GABRA1: variants seen among roughly 807,000 people sequenced by gnomAD.
The protein encoded by GABRA1 is gamma-aminobutyric acid receptor subunit alpha-1.
Under a neutral mutation model 48.9 loss-of-function variants are expected in GABRA1, and 9 were observed. That is an observed-to-expected ratio of 0.18 (90% CI 0.11 to 0.32). The LOEUF is 0.32. Among genes scored for constraint, GABRA1 ranks in the 10% least tolerant of loss-of-function variants. The pLI is 1.00. For synonymous variants in GABRA1, 210 were observed against 198.7 expected (o/e 1.06, Z -0.48); for missense variants, 285 against 553.8 (o/e 0.51, Z 4.87).
intron 3 of GABRA1, among the ~76,000 whole-genome samples, chr5:161,859,505 T>G (rs1340821386): frequency 6.6e-6 from 1 of 151,784 alleles, no homozygotes; most frequent in African/African-American, 2.4e-5. Flanking sequence ...CTAAGAGTGC[T>G]CTAAAAAGAT....
At chr5:161,863,221 T>C (rs1349174837) in intron 3 of GABRA1, among the ~76,000 whole-genome samples, 1 of 151,630 alleles carries the variant, frequency 6.6e-6, no homozygotes. Flanking sequence ...TTGAGGAAAA[T>C]GATTAAGTTT....
chr5:161,875,477 T>C, intron 5 of GABRA1, 83 bp from the exon 6 acceptor site: 4 of 1,069,606 alleles, frequency 3.7e-6, no homozygotes, highest in Middle Eastern at 2.0e-4. Context: ...ATATATTTGC[T>C]ACAGTTAATA....
At chr5:161,895,615 A>G in intron 8 of GABRA1, 51 bp from the exon 9 acceptor site, 1 of 1,504,902 alleles carries the variant, frequency 6.6e-7, no homozygotes, top group Non-Finnish European at 9.2e-7. Context: ...CATCATGATG[A>G]AATTTCACAG....
At chr5:161,854,654 T>C (rs989239522) in intron 3 of GABRA1, among the ~76,000 whole-genome samples, 1 of 151,682 alleles carries the variant, frequency 6.6e-6, no homozygotes, top group Non-Finnish European at 1.5e-5. Flanking sequence ...TTTGATTCTA[T>C]TGGTTCAAAC....
intron 4 of GABRA1, among the ~76,000 whole-genome samples, chr5:161,869,381 C>G (rs1754009907): frequency 6.6e-6 from 1 of 152,152 alleles, no homozygotes; most frequent in Admixed American, 6.6e-5. Flanking sequence ...GACCTGCTAG[C>G]TAAGTGTAGC....
Position 161,882,923 on chromosome 5 carries a change from A to T in GABRA1, c.703+222A>T, listed in dbSNP as rs571862514. ...TTTCTGTTTGTTTGTTTGCAAATTG[A>T]GAAACTGGCTATAAGTAATTACTGT... On this transcript the variant is annotated intron_variant, in intron 7 of 9. Coordinates refer to ENST00000393943, the MANE Select transcript of GABRA1 (RefSeq NM_001127644.2). Among the ~76,000 whole-genome samples, 185 of 152,278 alleles carry T rather than the reference A, an allele frequency of 1.2e-3. 1 individual carries two copies. The highest frequency in any genetic ancestry group is 4.3e-3 in the African/African-American group (178 of 41,564).
At chr5:161,864,797 A>G (rs992697831) in intron 3 of GABRA1, among the ~76,000 whole-genome samples, 12 of 143,120 alleles carry the variant, frequency 8.4e-5, no homozygotes, top group African/African-American at 2.8e-4. Flanking sequence ...GAAAAATATA[A>G]ATTAAAAATA....
At chr5:161,870,375 A>C (rs1255902873) in intron 4 of GABRA1, among the ~76,000 whole-genome samples, 1 of 152,042 alleles carries the variant, frequency 6.6e-6, no homozygotes, top group Non-Finnish European at 1.5e-5. Context: ...CAGCCTGACC[A>C]ACATGGCGAA....
At chr5:161,886,635 C>T (rs1754858968) in intron 7 of GABRA1, among the ~76,000 whole-genome samples, 1 of 151,678 alleles carries the variant, frequency 6.6e-6, no homozygotes. Flanking sequence ...AATTAGCTGG[C>T]CATGGTGTTG....
chr5:161,895,374 A>G (rs556351313), intron 8 of GABRA1, among the ~76,000 whole-genome samples: 10 of 152,256 alleles, frequency 6.6e-5, no homozygotes, highest in Non-Finnish European at 1.3e-4. Flanking sequence ...TTTACCCAGG[A>G]CACCCATGTT....
chr5:161,867,599 T>C (rs1261925281), intron 4 of GABRA1, among the ~76,000 whole-genome samples: 2 of 152,158 alleles, frequency 1.3e-5, no homozygotes, highest in Non-Finnish European at 2.9e-5. Context: ...AAATGAGATG[T>C]GCAAATAAAG....
At chr5:161,858,139 A>T (rs1757722787) in intron 3 of GABRA1, among the ~76,000 whole-genome samples, 1 of 151,584 alleles carries the variant, frequency 6.6e-6, no homozygotes, top group Non-Finnish European at 1.5e-5. Flanking sequence ...GTGTCCCTTG[A>T]TCAATTTATA....
At chr5:161,869,461 G>C (rs569023783) in intron 4 of GABRA1, among the ~76,000 whole-genome samples, 1 of 152,260 alleles carries the variant, frequency 6.6e-6, no homozygotes, top group East Asian at 1.9e-4. Flanking sequence ...ATCTGGAATA[G>C]CAAACAAAAT....
intron 4 of GABRA1, among the ~76,000 whole-genome samples, chr5:161,867,641 T>A (rs936422673): frequency 6.6e-6 from 1 of 152,134 alleles, no homozygotes; most frequent in African/African-American, 2.4e-5. Flanking sequence ...AAATGATAGC[T>A]ATTATTATTT....
intron 1 of GABRA1, 106 bp downstream of exon 1, chr5:161,848,528 C>CGGGGGGGGGGG (rs1450654848): frequency 3.6e-4 from 2 of 5,510 alleles, no homozygotes; most frequent in Admixed American, 1.7e-3. Flanking sequence ...CGGGGGGAGA[C>CGGGGGGGGGGG]GGGGGGAGAG....
intron 6 of GABRA1, chr5:161,882,107 G>A: frequency 5.0e-6 from 1 of 201,886 alleles, no homozygotes; most frequent in South Asian, 8.4e-5. Flanking sequence ...CCTCCTCAGA[G>A]ACGACTCTGT....
intron 7 of GABRA1, among the ~76,000 whole-genome samples, chr5:161,883,900 A>C (rs1049403224): frequency 1.3e-5 from 2 of 151,944 alleles, no homozygotes; most frequent in Admixed American, 6.6e-5. Flanking sequence ...TAAAAAATGG[A>C]AACTGTTTCT....
intron 4 of GABRA1, among the ~76,000 whole-genome samples, chr5:161,870,583 G>A (rs1754066854): frequency 3.5e-5 from 5 of 142,854 alleles, no homozygotes; most frequent in African/African-American, 5.2e-5. Context: ...AAAAAAAAAG[G>A]AAAAAGAAAA....
At chr5:161,888,436 T>C (rs113342954) in intron 7 of GABRA1, among the ~76,000 whole-genome samples, 2 of 152,132 alleles carry the variant, frequency 1.3e-5, no homozygotes, top group African/African-American at 4.8e-5. Context: ...AAAAAGTTGT[T>C]TATAAAACAA....
Sources: gnomAD v4.1 joint callset for allele counts (sites outside exome capture counted in the v4.1 genomes callset) on GRCh38, gnomAD v4.1.1 for gene constraint, MANE v1.5 for transcripts, NCBI Gene and HGNC (gene_info 2026-07-23, HGNC 2026-07-21) for gene names.